KIF6: variants seen among roughly 807,000 people sequenced by gnomAD.
The protein encoded by KIF6 is kinesin-like protein KIF6.
KIF6 carries 106 observed loss-of-function variants against 112.7 expected under a neutral mutation model. That is an observed-to-expected ratio of 0.94 (90% CI 0.80 to 1.11). KIF6 has a LOEUF of 1.11. Among genes scored for constraint, KIF6 ranks in the 50% least tolerant of loss-of-function variants. The pLI, the probability that KIF6 is intolerant of heterozygous loss-of-function variation, is 0.00. For synonymous variants in KIF6, 339 were observed against 339.9 expected, an observed-to-expected ratio of 1.00 and a Z score of 0.03; for missense variants, 929 against 964.0, an observed-to-expected ratio of 0.96 and a Z score of 0.48.
At chr6:39,547,202 G>C (rs7774528) in intron 10 of KIF6, among the ~76,000 whole-genome samples, 40,094 of 152,108 alleles carry the variant, frequency 0.26, 6,979 homozygotes, top group African/African-American at 0.48. Context: ...AGCCCACCCA[G>C]ATAAAATGTA....
chr6:39,606,060 A>C (rs182592092), intron 6 of KIF6, among the ~76,000 whole-genome samples: 269 of 151,388 alleles, frequency 1.8e-3, no homozygotes, highest in Middle Eastern at 6.8e-3. Context: ...TTCTAGATAC[A>C]CCTTCTCTCA....
At chr6:39,656,359 AC>A (rs1785780407) in intron 3 of KIF6, among the ~76,000 whole-genome samples, 1 of 152,192 alleles carries the variant, frequency 6.6e-6, no homozygotes, top group South Asian at 2.1e-4. Flanking sequence ...TTATTGTAAT[AC>A]CATTCTAAAT....
intron 13 of KIF6, among the ~76,000 whole-genome samples, chr6:39,503,849 GAA>G (rs772144009): frequency 2.5e-3 from 202 of 81,942 alleles, no homozygotes; most frequent in African/African-American, 6.2e-3. Flanking sequence ...CAACCAACCA[GAA>G]AAAAAAAAAA....
At chr6:39,663,052 C>T (rs1486161427) in intron 3 of KIF6, among the ~76,000 whole-genome samples, 1 of 151,992 alleles carries the variant, frequency 6.6e-6, no homozygotes, top group Non-Finnish European at 1.5e-5. Context: ...CACCGCCATG[C>T]CTGGCTAGTT....
At chr6:39,617,542 G>A (rs1313979395) in intron 5 of KIF6, among the ~76,000 whole-genome samples, 3 of 152,110 alleles carry the variant, frequency 2.0e-5, no homozygotes, top group South Asian at 4.1e-4. Context: ...CCCTATGATG[G>A]TATAGGTCAT....
chr6:39,532,210 C>T (rs1778111835), intron 13 of KIF6, among the ~76,000 whole-genome samples: 1 of 151,942 alleles, frequency 6.6e-6, no homozygotes. Context: ...CTGTATTTGT[C>T]CATGTATATT....
At chr6:39,710,150 A>C (rs946387453) in intron 3 of KIF6, among the ~76,000 whole-genome samples, 6 of 152,186 alleles carry the variant, frequency 3.9e-5, no homozygotes, top group Non-Finnish European at 5.9e-5. Context: ...CCAACTGTCT[A>C]TTCACTGGTG....
Position 39,422,502 on chromosome 6 carries a change from C to T in KIF6, c.1755-2499G>A, listed in dbSNP as rs531075820. Among the ~76,000 whole-genome samples the T allele has an allele frequency of 2.0e-5, 3 of 152,300 alleles. No individual in the cohort carries two copies. The South Asian group carries it at 6.2e-4, about 32-fold the overall frequency. On this transcript the variant is annotated intron_variant, in intron 14 of 22. Coordinates refer to ENST00000287152, the MANE Select transcript of KIF6 (RefSeq NM_145027.6). ...TGTGCAGTCTTCATGAGACCATTTT[C>T]CCGTCACTCTGGAAGTTGTCACCAC...
At chr6:39,531,298 T>C (rs1020002909) in intron 13 of KIF6, among the ~76,000 whole-genome samples, 2 of 152,140 alleles carry the variant, frequency 1.3e-5, no homozygotes, top group Non-Finnish European at 2.9e-5. Context: ...TCTGTCTCAA[T>C]AGCAATATCA....
rs918825697 is a variant in KIF6 at position 39,335,996 on chromosome 6, T to C, written c.*536A>G. On this transcript the variant is annotated 3_prime_UTR_variant, in exon 23 of 23. Transcript: ENST00000287152. ...AAAGATGTGGTCTGGGAGATCAGGA[T>C]TGGCCTTCAGGATGCCCTGCATTCC... 1 of 153,220 alleles carries C rather than the reference T, an allele frequency of 6.5e-6. No individual in the cohort carries two copies. Among genetic ancestry groups the C allele is most frequent in the Admixed American group, 6.5e-5 (1 of 15,334 alleles). The allele number at this position is 153,220 out of a possible 1,614,324, so 9.5% of individuals were successfully genotyped here. A position where few individuals can be genotyped will look rare whatever the true frequency, so the allele number is the denominator to read the frequency against.
At chr6:39,530,824 A>C (rs1215071449) in intron 13 of KIF6, among the ~76,000 whole-genome samples, 1 of 152,240 alleles carries the variant, frequency 6.6e-6, no homozygotes, top group Non-Finnish European at 1.5e-5. Flanking sequence ...ATAAGGCAGA[A>C]ATTCTTTCAA....
chr6:39,578,622 G>A lies in KIF6; in HGVS notation c.1078-463C>T, dbSNP rs112191499. On this transcript the variant is annotated intron_variant, in intron 9 of 22. Transcript: ENST00000287152. ...TGAGTTTACAGGCATGAGCCACCTC[G>A]CCCAGCCTCTATAATTTTTTTTAAA... is the stretch of plus-strand genomic sequence containing the variant. Among the ~76,000 whole-genome samples, 585 of 152,042 alleles carry A rather than the reference G, an allele frequency of 3.8e-3. 4 individuals are homozygous for A. The highest frequency in any genetic ancestry group is 0.013 in the African/African-American group (546 of 41,466).
intron 3 of KIF6, among the ~76,000 whole-genome samples, chr6:39,692,646 C>T (rs1292394356): frequency 6.6e-6 from 1 of 152,170 alleles, no homozygotes; most frequent in Admixed American, 6.5e-5. Context: ...ATGGTTATAT[C>T]ATTGAGATAC....
intron 14 of KIF6, among the ~76,000 whole-genome samples, chr6:39,429,013 A>T (rs1432122743): frequency 6.6e-6 from 1 of 152,204 alleles, no homozygotes; most frequent in East Asian, 1.9e-4. Flanking sequence ...CCAGAAGAGG[A>T]ACTGCTGGGT....
intron 12 of KIF6, 32 bp from the exon 13 acceptor site, chr6:39,540,253 T>G (rs1778715205): frequency 1.5e-6 from 2 of 1,350,470 alleles, no homozygotes; most frequent in Non-Finnish European, 1.0e-6. Context: ...TAATGCCTGA[T>G]GCTAGCTTAT....
At chr6:39,583,968 G>C (rs1781454666) in intron 9 of KIF6, among the ~76,000 whole-genome samples, 1 of 151,768 alleles carries the variant, frequency 6.6e-6, no homozygotes. Flanking sequence ...ACAGTTCTTT[G>C]ATAAAGCAGG....
At chr6:39,424,661 C>A (rs920642112) in intron 14 of KIF6, among the ~76,000 whole-genome samples, 1 of 152,066 alleles carries the variant, frequency 6.6e-6, no homozygotes, top group Non-Finnish European at 1.5e-5. Context: ...AATGAGATGC[C>A]GTCAGGGCTG....
intron 3 of KIF6, among the ~76,000 whole-genome samples, chr6:39,713,816 T>G (rs1025723588): frequency 1.9e-4 from 29 of 152,318 alleles, no homozygotes; most frequent in Non-Finnish European, 3.4e-4. Flanking sequence ...GACAAGGGCA[T>G]GGTTTGCATA....
intron 12 of KIF6, among the ~76,000 whole-genome samples, chr6:39,543,569 T>G (rs1778909374): frequency 6.6e-6 from 1 of 152,246 alleles, no homozygotes; most frequent in African/African-American, 2.4e-5. Context: ...TGTAGACTAT[T>G]TTCATGCATT....
Sources: gnomAD v4.1 joint callset for allele counts (sites outside exome capture counted in the v4.1 genomes callset) on GRCh38, gnomAD v4.1.1 for gene constraint, MANE v1.5 for transcripts, NCBI Gene and HGNC (gene_info 2026-07-23, HGNC 2026-07-21) for gene names.